Variants in SGK3 observed in about 807,000 individuals in gnomAD.
SGK3 encodes the protein serum/glucocorticoid regulated kinase family member 3.
In SGK3, 47 loss-of-function variants were observed where a neutral mutation model predicts 68.5. The ratio of observed to expected loss-of-function variants is 0.69; its 90% confidence interval spans 0.54 to 0.87. The LOEUF (loss-of-function observed/expected upper bound fraction) is 0.87, where lower values mean the gene tolerates loss of function less well. Ranked by LOEUF, SGK3 falls within the 40% of genes least tolerant of loss-of-function variation. The probability of loss-of-function intolerance (pLI) is 0.00; values close to 1 mark genes in which losing one functional copy is unlikely to be tolerated. For synonymous variants in SGK3, 181 were observed against 189.1 expected (o/e 0.96, Z 0.35); for missense variants, 479 against 575.5 (o/e 0.83, Z 1.72).
chr8:66,761,854 A>G (rs1252476255), intron 1 of SGK3, among the ~76,000 whole-genome samples: 3 of 152,222 alleles, frequency 2.0e-5, no homozygotes, highest in Admixed American at 2.0e-4. Context: ...AGTCATCTGA[A>G]TAGTATAATT....
chr8:66,827,518 CATTT>C lies in SGK3; in HGVS notation c.418-1133_418-1130del, dbSNP rs917132561. ...CTAGTAAAAGTATACATATTTGAAA[CATTT>C]ATAACTGATTTAATTATCTGAATGT... On this transcript the variant is annotated intron_variant, in intron 6 of 16. Coordinates refer to ENST00000521198, the MANE Select transcript of SGK3 (RefSeq NM_001033578.3). Among the ~76,000 whole-genome samples, 17 of 148,102 alleles carry C rather than the reference CATTT, an allele frequency of 1.1e-4. 1 individual carries two copies. The highest frequency in any genetic ancestry group is 4.2e-4 in the African/African-American group (17 of 40,166).
chr8:66,730,761 T>TC (rs1805127207), intron 1 of SGK3, among the ~76,000 whole-genome samples: 1 of 152,052 alleles, frequency 6.6e-6, no homozygotes, highest in African/African-American at 2.4e-5. Context: ...CACTGCAGCC[T>TC]CCCCCTCCCA....
chr8:66,812,454 G>A (rs1319968407), intron 4 of SGK3, among the ~76,000 whole-genome samples: 6 of 152,104 alleles, frequency 3.9e-5, no homozygotes, highest in Middle Eastern at 3.4e-3. Context: ...CTACTCGGGA[G>A]GCTGAGGCAG....
intron 1 of SGK3, among the ~76,000 whole-genome samples, chr8:66,735,819 C>T (rs114965865): frequency 6.6e-6 from 1 of 151,888 alleles, no homozygotes; most frequent in Admixed American, 6.6e-5. Flanking sequence ...AATTTTACTT[C>T]TCAGGTTTCA....
At chr8:66,788,033 G>A (rs972311527) in intron 1 of SGK3, among the ~76,000 whole-genome samples, 7 of 152,102 alleles carry the variant, frequency 4.6e-5, no homozygotes, top group Non-Finnish European at 8.8e-5. Context: ...ACTTCTGGCC[G>A]GTGCCAGCAC....
chr8:66,824,651 A>G (rs1808980088), intron 6 of SGK3, among the ~76,000 whole-genome samples: 1 of 152,192 alleles, frequency 6.6e-6, no homozygotes, highest in African/African-American at 2.4e-5. Flanking sequence ...AAAGCAAAAG[A>G]TGTTCATTTC....
chr8:66,752,055 A>G (rs1214821607), intron 1 of SGK3, among the ~76,000 whole-genome samples: 1 of 152,106 alleles, frequency 6.6e-6, no homozygotes, highest in Non-Finnish European at 1.5e-5. Context: ...ATGAGCCCCC[A>G]AGCCTGGCCT....
Position 66,822,376 on chromosome 8 carries a change from G to C in SGK3, c.334G>C (p.Asp112His), listed in dbSNP as rs1053413373. Residue 112 changes from aspartate (D) to histidine (H), a missense_variant, in exon 6 of 17, where the codon GAT becomes CAT. By Grantham distance (81) the Asp-to-His change is moderately conservative. Coordinates refer to ENST00000521198, the MANE Select transcript of SGK3 (RefSeq NM_001033578.3). The stretch of plus-strand genomic sequence containing the variant: ...AAAGTTAATTTTTGTTTTTAGTCCA[G>C]ATGTCAGAGCATTCCTTCAAATGGA... ...VRYPELYNHPDVRAFLQMDSP... is the reference protein window; with the variant it reads ...VRYPELYNHPHVRAFLQMDSP... 1.2e-6 allele frequency: 2 copies of C among 1,604,026 alleles called. No homozygotes were observed. The highest frequency in any genetic ancestry group is 4.5e-5 in the East Asian group (2 of 44,534).
At chr8:66,831,391 G>C (rs969362819) in intron 8 of SGK3, 80 bp downstream of exon 8, 2 of 1,548,946 alleles carry the variant, frequency 1.3e-6, no homozygotes, top group African/African-American at 2.7e-5. Context: ...CTGTTGTCCA[G>C]GCTGGAGTGT....
intron 15 of SGK3, among the ~76,000 whole-genome samples, chr8:66,848,915 T>A (rs1810148624): frequency 6.6e-6 from 1 of 152,206 alleles, no homozygotes; most frequent in Non-Finnish European, 1.5e-5. Flanking sequence ...CTACTTTTCC[T>A]CAACTTATGC....
intron 1 of SGK3, among the ~76,000 whole-genome samples, chr8:66,745,813 AT>A (rs1157353260): frequency 6.6e-6 from 1 of 152,174 alleles, no homozygotes; most frequent in Non-Finnish European, 1.5e-5. Context: ...TGAATGCTGC[AT>A]TCTCCAGAAG....
intron 1 of SGK3, among the ~76,000 whole-genome samples, chr8:66,718,941 A>G (rs1158563720): frequency 2.0e-5 from 3 of 151,476 alleles, no homozygotes; most frequent in East Asian, 1.9e-4. Context: ...TTTGTCTTCC[A>G]TTTTCTAAAT....
chr8:66,835,530 A>C (rs1162882962), intron 8 of SGK3, among the ~76,000 whole-genome samples: 1 of 152,124 alleles, frequency 6.6e-6, no homozygotes, highest in East Asian at 1.9e-4. Context: ...CAAACTTCTC[A>C]AGCAGTGTAG....
chr8:66,821,481 A>C, intron 5 of SGK3, among the ~76,000 whole-genome samples: 1 of 151,842 alleles, frequency 6.6e-6, no homozygotes, highest in East Asian at 1.9e-4. Flanking sequence ...TGCAATGAAC[A>C]TTATAATTAC....
intron 1 of SGK3, among the ~76,000 whole-genome samples, chr8:66,755,960 G>A (rs1805961348): frequency 6.6e-6 from 1 of 152,120 alleles, no homozygotes; most frequent in Non-Finnish European, 1.5e-5. Flanking sequence ...GTGATAGCCT[G>A]AATTGTGTCC....
chr8:66,762,514 T>G (rs1806204080), intron 1 of SGK3, among the ~76,000 whole-genome samples: 1 of 152,010 alleles, frequency 6.6e-6, no homozygotes, highest in African/African-American at 2.4e-5. Flanking sequence ...AGACCGCGTC[T>G]CAAAAAACAA....
intron 6 of SGK3, among the ~76,000 whole-genome samples, chr8:66,825,495 A>G (rs1258212359): frequency 6.6e-6 from 1 of 151,924 alleles, no homozygotes; most frequent in Non-Finnish European, 1.5e-5. Flanking sequence ...TGCCCGGCTA[A>G]TTTTTTGTAT....
At chr8:66,763,250 C>A (rs778079056) in intron 1 of SGK3, among the ~76,000 whole-genome samples, 2 of 152,128 alleles carry the variant, frequency 1.3e-5, no homozygotes, top group Admixed American at 6.5e-5. Context: ...GAAAGGTAAA[C>A]CATGAGGTTT....
intron 4 of SGK3, among the ~76,000 whole-genome samples, chr8:66,808,037 G>A (rs532947396): frequency 6.6e-4 from 100 of 152,194 alleles, no homozygotes; most frequent in South Asian, 2.3e-3. Context: ...TTTTCTGTAG[G>A]AAAAGGTATG....
Sources: allele counts gnomAD v4.1 joint callset (sites outside exome capture counted in the v4.1 genomes callset), GRCh38; gene constraint gnomAD v4.1.1; transcripts MANE v1.5; gene names NCBI Gene and HGNC (gene_info 2026-07-23, HGNC 2026-07-21).